Variants in PIEZO2 observed in about 807,000 individuals in gnomAD.
PIEZO2 encodes the protein piezo-type mechanosensitive ion channel component 2.
Under a neutral mutation model 337.3 loss-of-function variants are expected in PIEZO2, and 172 were observed. The ratio of observed to expected loss-of-function variants is 0.51; its 90% CI spans 0.45 to 0.58. PIEZO2 has a LOEUF of 0.58. Ranked by LOEUF, PIEZO2 falls within the 20% of genes least tolerant of loss-of-function variation. The probability of loss-of-function intolerance (pLI) is 0.00; values close to 1 mark genes in which losing one functional copy is unlikely to be tolerated. For synonymous variants in PIEZO2, 1,251 were observed against 1,228.5 expected, an observed-to-expected ratio of 1.02 and a Z score of -0.38; for missense variants, 3,028 against 3,391.3, an observed-to-expected ratio of 0.89 and a Z score of 2.66.
chr18:10,971,363 C>A (rs530586956), intron 3 of PIEZO2, among the ~76,000 whole-genome samples: 15 of 152,274 alleles, frequency 9.9e-5, no homozygotes, highest in African/African-American at 3.1e-4. Flanking sequence ...TGTTTTATTT[C>A]TATCTTTAGG....
chr18:10,957,672 G>T (rs543384089), intron 3 of PIEZO2, among the ~76,000 whole-genome samples: 2 of 152,070 alleles, frequency 1.3e-5, no homozygotes, highest in African/African-American at 4.8e-5. Flanking sequence ...AAATGAGATT[G>T]CATCAAACCA....
At chr18:11,057,458 G>C (rs2037772607) in intron 2 of PIEZO2, among the ~76,000 whole-genome samples, 2 of 152,152 alleles carry the variant, frequency 1.3e-5, no homozygotes, top group Non-Finnish European at 2.9e-5. Context: ...CCTGTCTTTT[G>C]ATAATTCCCT....
intron 3 of PIEZO2, among the ~76,000 whole-genome samples, chr18:10,948,476 C>T (rs1199014165): frequency 1.3e-5 from 2 of 152,110 alleles, no homozygotes; most frequent in African/African-American, 4.8e-5. Flanking sequence ...TGACCTTGTG[C>T]TTAATTTGTT....
In PIEZO2 at chr18:10,726,221, C is replaced by T. The variant is rs2036531419; in HGVS notation, c.5029+5186G>A. ...CGAGTCCACCGGAGGAGGGGCTTCA[C>T]GCTGCCTGGGGCTGGAAGAGCTTGT... On this transcript the variant is annotated intron_variant, in intron 36 of 55. Transcript: ENST00000674853. The surrounding 1 kb of genome is among the most constrained non-coding windows in gnomAD (Gnocchi z 5.9). 2.8e-6 allele frequency: 2 copies of T among 714,618 alleles called. No individual in the cohort carries two copies. The highest frequency in any genetic ancestry group is 5.4e-5 in the East Asian group (2 of 37,142). The allele number at this position is 714,618 out of a possible 1,614,324, so 44.3% of individuals were successfully genotyped here. A position where few individuals can be genotyped will look rare whatever the true frequency, so the allele number is the denominator to read the frequency against.
At chr18:10,722,585 C>A (rs913021002) in intron 36 of PIEZO2, among the ~76,000 whole-genome samples, 18 of 151,954 alleles carry the variant, frequency 1.2e-4, no homozygotes, top group Admixed American at 7.9e-4. Flanking sequence ...GAAATTTAGA[C>A]CCATTTGACA....
At chr18:10,679,779 A>C (rs2034181148) in intron 52 of PIEZO2, among the ~76,000 whole-genome samples, 1 of 152,238 alleles carries the variant, frequency 6.6e-6, no homozygotes, top group Admixed American at 6.5e-5. Flanking sequence ...TAAGTGATGC[A>C]TGAGGGAGGT....
At chr18:11,052,390 C>T (rs2625379) in intron 2 of PIEZO2, among the ~76,000 whole-genome samples, 109,150 of 152,122 alleles carry the variant, frequency 0.72, 40,394 homozygotes, top group East Asian at 0.99. Context: ...AGATCACATA[C>T]ATTCATCATG....
chr18:10,829,964 C>A (rs1026923644), intron 7 of PIEZO2, among the ~76,000 whole-genome samples: 1 of 149,384 alleles, frequency 6.7e-6, no homozygotes, highest in African/African-American at 2.5e-5. Context: ...TTATATGGAA[C>A]CACAAAAGAC....
intron 45 of PIEZO2, among the ~76,000 whole-genome samples, chr18:10,696,822 G>A (rs1435999546): frequency 6.6e-6 from 1 of 152,206 alleles, no homozygotes; most frequent in African/African-American, 2.4e-5. Flanking sequence ...GATGCCCTGG[G>A]AACGAGGTGT....
At chr18:10,747,691 T>A (rs1416302507) in intron 30 of PIEZO2, among the ~76,000 whole-genome samples, 1 of 152,142 alleles carries the variant, frequency 6.6e-6, no homozygotes, top group African/African-American at 2.4e-5. Flanking sequence ...TGCCATCATA[T>A]AAATGGACCT....
rs971092135 is a variant in PIEZO2 at position 11,131,309 on chromosome 18, C to T, written c.64+17216G>A. Among the ~76,000 whole-genome samples the T allele has an allele frequency of 1.3e-5, 2 of 152,108 alleles. No homozygotes were observed. Among genetic ancestry groups the T allele is most frequent in the African/African-American group, 4.8e-5 (2 of 41,412 alleles). ...CGGGCTCGAGCAGGTCCTGAGGGCA[C>T]AAGTAAGTTACATGAGGAAGTGGCT... On this transcript the variant is annotated intron_variant, in intron 1 of 55. Coordinates refer to ENST00000674853, the MANE Select transcript of PIEZO2 (RefSeq NM_001378183.1). This position sits in a 1 kb window ranked among gnomAD's most constrained non-coding sequence, Gnocchi z 5.3.
chr18:10,748,386 A>G lies in PIEZO2; in HGVS notation c.4424+85T>C, dbSNP rs1460296112. The G allele has an allele frequency of 6.6e-6, 9 of 1,368,312 alleles. No individual in the cohort carries two copies. The African/African-American group carries it at 1.2e-4, about 18-fold the overall frequency. The allele number at this position is 1,368,312 out of a possible 1,614,324, so 84.8% of individuals were successfully genotyped here. A position where few individuals can be genotyped will look rare whatever the true frequency, so the allele number is the denominator to read the frequency against. On this transcript the variant is annotated intron_variant, in intron 30 of 55. Transcript: ENST00000674853. The surrounding 1 kb of genome is among the most constrained non-coding windows in gnomAD (Gnocchi z 5.1). ...TTCTTAACTTCTTGTGGGTTCTAGA[A>G]GCAAGCTCAGACAGAAATGATAGTG...
At chr18:11,120,791 C>T (rs1292192676) in intron 1 of PIEZO2, among the ~76,000 whole-genome samples, 1 of 152,166 alleles carries the variant, frequency 6.6e-6, no homozygotes, top group Non-Finnish European at 1.5e-5. Context: ...CTATGCAAGG[C>T]TGTGTTACCA....
chr18:10,761,769 C>G (rs1377625128), intron 23 of PIEZO2, among the ~76,000 whole-genome samples: 4 of 152,056 alleles, frequency 2.6e-5, no homozygotes, highest in Non-Finnish European at 5.9e-5. Flanking sequence ...TCTAGAAGGT[C>G]CACAAAGAAA....
At chr18:11,117,561 C>T (rs1226397561) in intron 1 of PIEZO2, among the ~76,000 whole-genome samples, 2 of 152,204 alleles carry the variant, frequency 1.3e-5, no homozygotes, top group African/African-American at 2.4e-5. Flanking sequence ...ACACCAAGTT[C>T]GTTTAGAATG....
intron 2 of PIEZO2, among the ~76,000 whole-genome samples, chr18:11,011,959 C>A (rs2035920021): frequency 6.6e-6 from 1 of 151,988 alleles, no homozygotes; most frequent in Non-Finnish European, 1.5e-5. Flanking sequence ...TCTGCCTCGG[C>A]AAGAGAGCAA....
intron 1 of PIEZO2, among the ~76,000 whole-genome samples, chr18:11,124,982 G>T (rs1487305847): frequency 6.6e-6 from 1 of 152,068 alleles, no homozygotes; most frequent in Non-Finnish European, 1.5e-5. Flanking sequence ...ATTAAGTCCA[G>T]GTGTAGATCT....
intron 2 of PIEZO2, among the ~76,000 whole-genome samples, chr18:11,006,533 G>C (rs755347610): frequency 7.9e-5 from 12 of 152,248 alleles, no homozygotes; most frequent in African/African-American, 2.2e-4. Flanking sequence ...CCTCCTCAGA[G>C]TTAAATTTAT....
chr18:11,054,175 G>A (rs181798954), intron 2 of PIEZO2, among the ~76,000 whole-genome samples: 1 of 152,296 alleles, frequency 6.6e-6, no homozygotes, highest in East Asian at 1.9e-4. Flanking sequence ...GCAAGAAAAT[G>A]TTCATCTCCT....
Sources: gnomAD v4.1 joint callset for allele counts (sites outside exome capture counted in the v4.1 genomes callset) on GRCh38, gnomAD v4.1.1 for gene constraint, Gnocchi (gnomAD v3.1) non-coding constraint, MANE v1.5 for transcripts, NCBI Gene and HGNC (gene_info 2026-07-23, HGNC 2026-07-21) for gene names.